The following PAXBP1 variants were observed in gnomAD, a reference collection of about 807,000 sequenced individuals.
The protein encoded by PAXBP1 is PAX3- and PAX7-binding protein 1.
Under a neutral mutation model 119.9 loss-of-function variants are expected in PAXBP1, and 44 were observed. The observed-to-expected ratio is 0.37, with a 90% confidence interval of 0.29 to 0.47. PAXBP1 has a LOEUF of 0.47. PAXBP1 is among the 20% of genes least tolerant of loss of function. The pLI is 0.99. For missense variants in PAXBP1, 898 were observed against 1,134.1 expected (o/e 0.79, Z 2.99); for synonymous variants, 393 against 406.6 (o/e 0.97, Z 0.40).
chr21:32,750,017 T>C (rs2146487740), intron 10 of PAXBP1, among the ~76,000 whole-genome samples: 1 of 152,324 alleles, frequency 6.6e-6, no homozygotes, highest in East Asian at 1.9e-4. Context: ...TTTTCCAGGA[T>C]GCCATTGAGA....
chr21:32,760,289 GC>G (rs2044118208), intron 5 of PAXBP1, among the ~76,000 whole-genome samples: 1 of 152,068 alleles, frequency 6.6e-6, no homozygotes, highest in Admixed American at 6.6e-5. Context: ...TAAATGCCTT[GC>G]CCATGGTCAC....
At chr21:32,746,595 A>G (rs1259867859) in intron 11 of PAXBP1, among the ~76,000 whole-genome samples, 1 of 152,240 alleles carries the variant, frequency 6.6e-6, no homozygotes, top group African/African-American at 2.4e-5. Flanking sequence ...TTAAAAGTCC[A>G]GAAACAAAAG....
At position 32,744,781 on chromosome 21, in the gene PAXBP1, T is replaced by C; in HGVS notation, c.2190+11A>G. 1.3e-6 allele frequency: 2 copies of C among 1,553,898 alleles called. No homozygotes were observed. The highest frequency in any genetic ancestry group is 1.7e-6 in the Non-Finnish European group (2 of 1,154,860). ...GAAAAAAAAAAAAGGCTTCAAAAGA[T>C]ACTAAATTACCTGTGTATTTTTATT... On this transcript the variant is annotated intron_variant, in intron 13 of 17. Transcript: ENST00000331923.
chr21:32,739,937 TTAAA>T (rs2043753008), intron 15 of PAXBP1, among the ~76,000 whole-genome samples: 2 of 62,784 alleles, frequency 3.2e-5, no homozygotes, highest in African/African-American at 5.8e-5. Flanking sequence ...CCTCGTCTCT[TTAAA>T]AAAAAAAAAA....
chr21:32,759,489 CT>C, intron 6 of PAXBP1: 2 of 614,102 alleles, frequency 3.3e-6, no homozygotes, highest in Non-Finnish European at 5.5e-6. Flanking sequence ...CACTGTTTTG[CT>C]TTTCCCCCCA....
chr21:32,752,416 C>T (rs1443847674), intron 8 of PAXBP1, among the ~76,000 whole-genome samples: 1 of 152,068 alleles, frequency 6.6e-6, no homozygotes, highest in Non-Finnish European at 1.5e-5. Flanking sequence ...GAAGATATGA[C>T]AGTAAGGGGA....
chr21:32,750,854 A>G, intron 10 of PAXBP1, 63 bp downstream of exon 10: 1 of 1,240,300 alleles, frequency 8.1e-7, no homozygotes, highest in Non-Finnish European at 1.1e-6. Flanking sequence ...ATTTCATGGT[A>G]AAAACCATAC....
intron 2 of PAXBP1, among the ~76,000 whole-genome samples, chr21:32,767,578 G>A (rs1457426346): frequency 2.0e-5 from 3 of 152,184 alleles, no homozygotes; most frequent in African/African-American, 4.8e-5. Flanking sequence ...CCAGGAGGAG[G>A]TAACTAAATC....
chr21:32,745,843 G>A, intron 11 of PAXBP1, 125 bp from the exon 12 acceptor site: 1 of 1,116,446 alleles, frequency 9.0e-7, no homozygotes, highest in Non-Finnish European at 1.3e-6. Context: ...TGGACGGCTG[G>A]AGATATCATG....
At position 32,767,701 on chromosome 21, in the gene PAXBP1, C is replaced by T. The variant is rs144476751; in HGVS notation, c.472+2113G>A. On this transcript the variant is annotated intron_variant, in intron 2 of 17. Transcript: ENST00000331923. ...CTTCCTCCTCATTTTCTCTTGCTGCCGCCATGTAAAAAGTGCCTTTCACCT... is the reference window on the plus strand; with the variant it reads ...CTTCCTCCTCATTTTCTCTTGCTGCTGCCATGTAAAAAGTGCCTTTCACCT... 6.8e-3 allele frequency among the ~76,000 whole-genome samples: 1,033 copies of T among 152,218 alleles called. 5 individuals carry two copies. The highest frequency in any genetic ancestry group is 0.011 in the Non-Finnish European group (741 of 68,012).
chr21:32,771,507 C>T lies in PAXBP1; in HGVS notation c.162G>A (p.Glu54=). The T allele has an allele frequency of 1.5e-6, 2 of 1,325,352 alleles. No homozygotes were observed. The highest frequency in any genetic ancestry group is 1.9e-6 in the Non-Finnish European group (2 of 1,043,410). The allele number at this position is 1,325,352 out of a possible 1,614,324, so 82.1% of individuals were successfully genotyped here. ...GCGACGGCCCCGGGCCCAGCAGCGA[C>T]TCCCCGCCAGGGGCCCTGTCGCCGC... ...PGGGDRAPGG[E]SLLGPGPSPP... is the part of the protein sequence containing the mutation. The change falls in exon 1 of 18, where the codon GAG becomes GAA. Residue 54 remains glutamate, a synonymous_variant. Coordinates refer to ENST00000331923, the MANE Select transcript of PAXBP1 (RefSeq NM_016631.4).
Position 32,771,299 on chromosome 21 carries a change from T to A in PAXBP1, c.343+27A>T, listed in dbSNP as rs1334090182. The A allele has an allele frequency of 1.9e-6, 3 of 1,558,680 alleles. No homozygotes were observed. The South Asian group carries it at 3.4e-5, about 18-fold the overall frequency. On this transcript the variant is annotated intron_variant, in intron 1 of 17. Transcript: ENST00000331923. ...GGCCTGCGTCGGGGATGCGGCCGTC[T>A]AAGGGCGTCCGAAGCGCGCACTTTA...
intron 11 of PAXBP1, 47 bp downstream of exon 11, chr21:32,748,452 C>G: frequency 6.5e-7 from 1 of 1,540,806 alleles, no homozygotes; most frequent in Non-Finnish European, 8.8e-7. Flanking sequence ...TAAAATTACC[C>G]AGATATCAAA....
intron 3 of PAXBP1, among the ~76,000 whole-genome samples, chr21:32,763,708 G>A (rs553004453): frequency 2.4e-4 from 37 of 152,252 alleles, no homozygotes; most frequent in African/African-American, 7.7e-4. Flanking sequence ...AAATTAGGCC[G>A]GGTGCAGTGG....
intron 2 of PAXBP1, among the ~76,000 whole-genome samples, chr21:32,766,625 C>T (rs1293805944): frequency 3.3e-5 from 5 of 152,232 alleles, no homozygotes; most frequent in Non-Finnish European, 1.5e-5. Flanking sequence ...CTGCTGCCCT[C>T]TACTTCCTCT....
Position 32,771,537 on chromosome 21 carries a change from G to A in PAXBP1, c.132C>T (p.Pro44=), listed in dbSNP as rs1380423530. The A allele has an allele frequency of 4.4e-6, 6 of 1,357,356 alleles. No homozygotes were observed. Among genetic ancestry groups the A allele is most frequent in the Non-Finnish European group, 5.7e-6 (6 of 1,060,536 alleles). 84.1% of individuals were successfully genotyped at this position (1,357,356 alleles called of 1,614,324 possible). ...PPPGTGEEAG[P]GGGDRAPGGE... ...CGCCAGGGGCCCTGTCGCCGCCACC[G>A]GGGCCCGCCTCTTCGCCCGTGCCCG... The change falls in exon 1 of 18, where the codon CCC becomes CCT. Residue 44 remains proline, a synonymous_variant. Coordinates refer to ENST00000331923, the MANE Select transcript of PAXBP1 (RefSeq NM_016631.4).
In PAXBP1 at chr21:32,764,490, C is replaced by G. The variant is rs1171465774; in HGVS notation, c.507G>C (p.Lys169Asn). The change falls in exon 3 of 18, where the codon AAG (lysine) becomes AAC (asparagine). Residue 169 changes from lysine (K) to asparagine (N), a missense_variant. Lys to Asn is a moderately conservative substitution (Grantham distance 94). This residue lies in a region of PAXBP1 where 299 missense variants were observed against 281.4 expected (regional missense o/e 1.06). Transcript: ENST00000331923. ...TAACTCCATCTTCTTGATTTGTATC[C>G]TTAACATGTCCTGTTTTGTCCAAAG... The part of the protein sequence containing the change: ...EQPLDKTGHV[K>N]DTNQEDGVII... The G allele has an allele frequency of 6.2e-7, 1 of 1,613,124 alleles. No individual in the cohort carries two copies. The highest frequency in any genetic ancestry group is 8.5e-7 in the Non-Finnish European group (1 of 1,179,580).
chr21:32,762,298 A>G lies in PAXBP1; in HGVS notation c.669T>C (p.Ala223=). 6.2e-7 allele frequency: 1 copy of G among 1,613,720 alleles called. No individual in the cohort carries two copies. Among genetic ancestry groups the G allele is most frequent in the African/African-American group, 1.3e-5 (1 of 75,034 alleles). ...GCTTTTTCCTTGCAGCATGTATAAA[A>G]GCTGCATCTGGAATTTCTCCTAGAA... ...VLRPGEIPDA[A]FIHAARKKRQ... The change falls in exon 4 of 18, where the codon GCT becomes GCC. Residue 223 remains alanine (A), a synonymous_variant. Transcript: ENST00000331923.
chr21:32,760,995 T>C, intron 5 of PAXBP1, 64 bp downstream of exon 5: 1 of 1,414,752 alleles, frequency 7.1e-7, no homozygotes. Context: ...AATTTTTTAC[T>C]TTAACAAAAT....
Sources: allele counts gnomAD v4.1 joint callset (sites outside exome capture counted in the v4.1 genomes callset), GRCh38; gene constraint gnomAD v4.1.1; regional missense constraint gnomAD v4.1.1; transcripts MANE v1.5; gene names NCBI Gene and HGNC (gene_info 2026-07-23, HGNC 2026-07-21).